PDE8A: variants seen among roughly 807,000 people sequenced by gnomAD.
PDE8A encodes the protein high affinity cAMP-specific and IBMX-insensitive 3',5'-cyclic phosphodiesterase 8A.
PDE8A carries 59 observed loss-of-function variants against 105.0 expected under a neutral mutation model. The observed-to-expected ratio is 0.56, with a 90% CI of 0.46 to 0.70. The LOEUF (loss-of-function observed/expected upper bound fraction) is 0.70. PDE8A is among the 30% of genes least tolerant of loss of function. The pLI is 0.00. For synonymous variants in PDE8A, 355 were observed against 371.9 expected, an observed-to-expected ratio of 0.95 and a Z score of 0.52; for missense variants, 1,014 against 1,045.9, an observed-to-expected ratio of 0.97 and a Z score of 0.42.
At chr15:84,990,984 T>C (rs1332298257) in intron 1 of PDE8A, among the ~76,000 whole-genome samples, 1 of 152,236 alleles carries the variant, frequency 6.6e-6, no homozygotes, top group Non-Finnish European at 1.5e-5. Context: ...TGATGGCTGA[T>C]GATTTTGAGT....
chr15:85,034,704 T>G (rs934735111), intron 1 of PDE8A, among the ~76,000 whole-genome samples: 1 of 152,162 alleles, frequency 6.6e-6, no homozygotes, highest in Non-Finnish European at 1.5e-5. Flanking sequence ...GAAGAAAATA[T>G]TTTATTTATT....
chr15:85,137,646 T>C, intron 21 of PDE8A, 151 bp from the exon 22 acceptor site: 1 of 592,162 alleles, frequency 1.7e-6, no homozygotes, highest in Non-Finnish European at 3.1e-6. Flanking sequence ...CAGCCACGGC[T>C]CGTTGAAGCT....
chr15:85,055,308 T>G (rs139961919), intron 1 of PDE8A, among the ~76,000 whole-genome samples: 1,801 of 152,336 alleles, frequency 0.012, 42 homozygotes, highest in African/African-American at 0.04. Context: ...TGGAGAGTTC[T>G]GTAGATGTCT....
chr15:84,996,682 C>T (rs925448974), intron 1 of PDE8A, among the ~76,000 whole-genome samples: 12 of 151,600 alleles, frequency 7.9e-5, no homozygotes, highest in Admixed American at 1.3e-4. Flanking sequence ...AAAAATTAGG[C>T]GGGTATAGTG....
rs370431565 is a variant in PDE8A at position 85,136,410 on chromosome 15, T to C, written c.2254-124T>C. ...ATGGTTTGGCTGCGTGAGGTGGTGA[T>C]TGGCTTCTCACCATGACAAGCCACC... On this transcript the variant is annotated intron_variant, in intron 20 of 21. Coordinates refer to ENST00000394553, the MANE Select transcript of PDE8A (RefSeq NM_002605.3). The C allele has an allele frequency of 2.3e-5, 21 of 930,192 alleles. No individual in the cohort carries two copies. In the East Asian group the frequency reaches 3.7e-4, roughly 16 times the overall value. The allele number at this position is 930,192 out of a possible 1,614,324, so 57.6% of individuals were successfully genotyped here.
At chr15:85,030,784 A>G (rs289391) in intron 1 of PDE8A, among the ~76,000 whole-genome samples, 111 of 152,054 alleles carry the variant, frequency 7.3e-4, no homozygotes, top group Non-Finnish European at 1.3e-3. Context: ...TTCCTTCAAG[A>G]TTTAACCTCA....
chr15:84,990,633 T>C (rs1358198004), intron 1 of PDE8A, among the ~76,000 whole-genome samples: 6 of 152,228 alleles, frequency 3.9e-5, no homozygotes, highest in Non-Finnish European at 7.3e-5. Context: ...TCTTTTGTTA[T>C]TGGATACTAG....
intron 1 of PDE8A, among the ~76,000 whole-genome samples, chr15:84,997,749 T>C (rs1223217332): frequency 6.6e-6 from 1 of 152,088 alleles, no homozygotes; most frequent in Non-Finnish European, 1.5e-5. Flanking sequence ...CATGCCACCA[T>C]GCCAGGCTAA....
At chr15:85,058,691 AAGTGTTAAT>A (rs2081100348) in intron 1 of PDE8A, among the ~76,000 whole-genome samples, 1 of 152,164 alleles carries the variant, frequency 6.6e-6, no homozygotes, top group South Asian at 2.1e-4. Context: ...GTTGGTGTAT[AAGTGTTAAT>A]AGTACTCTCT....
At chr15:85,110,170 A>G (rs932031974) in intron 12 of PDE8A, among the ~76,000 whole-genome samples, 2 of 152,118 alleles carry the variant, frequency 1.3e-5, no homozygotes, top group African/African-American at 4.8e-5. Context: ...AGCTGTCGTG[A>G]TTACAGTCCC....
intron 1 of PDE8A, among the ~76,000 whole-genome samples, chr15:85,054,860 ATG>A (rs2141427409): frequency 6.6e-6 from 1 of 152,168 alleles, no homozygotes; most frequent in South Asian, 2.1e-4. Flanking sequence ...TAGCTTTTGA[ATG>A]TGTTTGCTCT....
chr15:85,125,409 A>T (rs765549904), intron 19 of PDE8A, among the ~76,000 whole-genome samples: 2 of 152,096 alleles, frequency 1.3e-5, no homozygotes, highest in African/African-American at 2.4e-5. Context: ...AGAGCCTACA[A>T]ATAGTGGTTC....
intron 1 of PDE8A, among the ~76,000 whole-genome samples, chr15:85,007,690 G>C (rs781599692): frequency 6.6e-6 from 1 of 151,910 alleles, no homozygotes; most frequent in East Asian, 1.9e-4. Context: ...AGAATAATAC[G>C]TACATCACAG....
chr15:85,084,450 A>G (rs920302813), intron 6 of PDE8A, among the ~76,000 whole-genome samples: 12 of 152,224 alleles, frequency 7.9e-5, no homozygotes, highest in African/African-American at 2.4e-4. Context: ...TGTGGTATAC[A>G]AAAGAGATTT....
At chr15:84,992,506 G>T (rs1030856753) in intron 1 of PDE8A, among the ~76,000 whole-genome samples, 1 of 152,166 alleles carries the variant, frequency 6.6e-6, no homozygotes, top group African/African-American at 2.4e-5. Flanking sequence ...TTCATTTTCA[G>T]CGGGGTAGTC....
chr15:85,035,505 G>A (rs927370933), intron 1 of PDE8A, among the ~76,000 whole-genome samples: 3 of 151,760 alleles, frequency 2.0e-5, no homozygotes, highest in South Asian at 2.1e-4. Context: ...CCACCGCGCC[G>A]GGCCCTGAGT....
rs556039580 is a variant in PDE8A, at chr15:85,137,620, A to G, written c.2384-177A>G. ...CAGAGGAGGTGCTGGCATTGAGGACAGGGTTTAACTTCAGTCAGCCACGGC... is the reference window on the plus strand; with the variant it reads ...CAGAGGAGGTGCTGGCATTGAGGACGGGGTTTAACTTCAGTCAGCCACGGC... On this transcript the variant is annotated intron_variant, in intron 21 of 21. Transcript: ENST00000394553. 3.2e-4 allele frequency among the ~76,000 whole-genome samples: 48 copies of G among 152,280 alleles called. 2 individuals carry two copies. Among genetic ancestry groups the G allele is most frequent in the Non-Finnish European group, 1.0e-4 (7 of 68,008 alleles).
At chr15:85,071,800 G>A (rs2081315237) in intron 3 of PDE8A, among the ~76,000 whole-genome samples, 1 of 152,200 alleles carries the variant, frequency 6.6e-6, no homozygotes, top group Non-Finnish European at 1.5e-5. Context: ...TGTGTAAACA[G>A]GATGAGAAGG....
At chr15:85,009,653 C>G (rs2080209160) in intron 1 of PDE8A, among the ~76,000 whole-genome samples, 1 of 152,000 alleles carries the variant, frequency 6.6e-6, no homozygotes, top group African/African-American at 2.4e-5. Context: ...AAAAACTAAC[C>G]AAACAAAAAA....
Sources: allele counts gnomAD v4.1 joint callset (sites outside exome capture counted in the v4.1 genomes callset), GRCh38; gene constraint gnomAD v4.1.1; transcripts MANE v1.5; gene names NCBI Gene and HGNC (gene_info 2026-07-23, HGNC 2026-07-21).